Variants in PEX3 observed in about 807,000 individuals in gnomAD.
PEX3 encodes the protein peroxisomal biogenesis factor 3.
PEX3 carries 30 observed loss-of-function variants against 55.8 expected under a neutral mutation model. The observed-to-expected ratio is 0.54, with a 90% CI of 0.40 to 0.73. PEX3 has a LOEUF of 0.73. Among genes scored for constraint, PEX3 ranks in the 30% least tolerant of loss-of-function variants. PEX3 has a pLI of 0.00. For missense variants in PEX3, 351 were observed against 432.8 expected (o/e 0.81, Z 1.68); for synonymous variants, 135 against 148.4 (o/e 0.91, Z 0.66).
Position 143,464,358 on chromosome 6 carries a change from G to A in PEX3, c.287+1361G>A, listed in dbSNP as rs892713930. Among the ~76,000 whole-genome samples, 5 of 151,966 alleles carry A rather than the reference G, an allele frequency of 3.3e-5. No individual in the cohort carries two copies. Among genetic ancestry groups the A allele is most frequent in the African/African-American group, 1.2e-4 (5 of 41,414 alleles). ...AAGGCCCTATGTTCCATGTGCTTTA[G>A]GGGATTTAATAGTTAAGATCAAGTC... On this transcript the variant is annotated intron_variant, in intron 3 of 11. Coordinates refer to ENST00000367591, the MANE Select transcript of PEX3 (RefSeq NM_003630.3). This position sits in a 1 kb window ranked among gnomAD's most constrained non-coding sequence, Gnocchi z 5.8.
rs1183176663 is a variant in PEX3, at chr6:143,482,541, T to G, written c.942-2611T>G. Among the ~76,000 whole-genome samples the G allele has an allele frequency of 6.6e-6, 1 of 151,866 alleles. No individual in the cohort carries two copies. Among genetic ancestry groups the G allele is most frequent in the East Asian group, 1.9e-4 (1 of 5,194 alleles). On this transcript the variant is annotated intron_variant, in intron 10 of 11. Transcript: ENST00000367591. This position sits in a 1 kb window ranked among gnomAD's most constrained non-coding sequence, Gnocchi z 5.5. Reference sequence around the variant, plus strand: ...ACCTGACAAATGATAATAAAGGTAATATGGAGGAATAATGGAATGAGAATG... The same window carrying G: ...ACCTGACAAATGATAATAAAGGTAAGATGGAGGAATAATGGAATGAGAATG...
rs1779890049 is a variant in PEX3 at position 143,459,446 on chromosome 6, A to G, written c.205+230A>G. 6.6e-6 allele frequency among the ~76,000 whole-genome samples: 1 copy of G among 152,226 alleles called. No homozygotes were observed. The highest frequency in any genetic ancestry group is 1.5e-5 in the Non-Finnish European group (1 of 68,044). On this transcript the variant is annotated intron_variant, in intron 2 of 11. Coordinates refer to ENST00000367591, the MANE Select transcript of PEX3 (RefSeq NM_003630.3). The surrounding 1 kb of genome is among the most constrained non-coding windows in gnomAD (Gnocchi z 4.2). The stretch of plus-strand genomic sequence containing the variant: ...TGTATCCAGGCCTGGGGAAGCAGGA[A>G]GTGAACAACAACAACAAAAAGCCCC...
chr6:143,468,865 A>T (rs937380463), intron 4 of PEX3, among the ~76,000 whole-genome samples: 2 of 117,952 alleles, frequency 1.7e-5, no homozygotes, highest in African/African-American at 3.4e-5. Flanking sequence ...GATGTTCCCC[A>T]CCCTGTGTTC....
chr6:143,458,734 A>T lies in PEX3; in HGVS notation c.74-351A>T, dbSNP rs1439040114. 2.6e-5 allele frequency among the ~76,000 whole-genome samples: 4 copies of T among 152,220 alleles called. No homozygotes were observed. On this transcript the variant is annotated intron_variant, in intron 1 of 11. Transcript: ENST00000367591. The surrounding 1 kb of genome is among the most constrained non-coding windows in gnomAD (Gnocchi z 6.1). ...TAGCAATGTGGTTTTTAATAACTAC[A>T]TAAGATTTCGTTGTATGGCTAGACT... is the stretch of plus-strand genomic sequence containing the variant.
intron 4 of PEX3, among the ~76,000 whole-genome samples, chr6:143,469,455 T>C (rs2128746505): frequency 6.6e-6 from 1 of 152,386 alleles, no homozygotes; most frequent in East Asian, 1.9e-4. Flanking sequence ...CATGTGTCTG[T>C]TGGCTGCATA....
At chr6:143,477,941 G>T (rs1780176425) in intron 9 of PEX3, among the ~76,000 whole-genome samples, 1 of 151,894 alleles carries the variant, frequency 6.6e-6, no homozygotes, top group Admixed American at 6.6e-5. Flanking sequence ...CTACCAAAAA[G>T]AATGAAAACA....
At chr6:143,461,614 T>C (rs1164788778) in intron 2 of PEX3, among the ~76,000 whole-genome samples, 1 of 151,532 alleles carries the variant, frequency 6.6e-6, no homozygotes, top group East Asian at 1.9e-4. Flanking sequence ...GGGGTAAATA[T>C]AAGTAGTTTT....
At chr6:143,477,731 C>A (rs1780173670) in intron 9 of PEX3, among the ~76,000 whole-genome samples, 1 of 152,080 alleles carries the variant, frequency 6.6e-6, no homozygotes, top group Non-Finnish European at 1.5e-5. Context: ...CTGTTCTATA[C>A]TGCTTTATCT....
chr6:143,464,887 T>C lies in PEX3; in HGVS notation c.287+1890T>C, dbSNP rs1779972463. On this transcript the variant is annotated intron_variant, in intron 3 of 11. Coordinates refer to ENST00000367591, the MANE Select transcript of PEX3 (RefSeq NM_003630.3). The surrounding 1 kb of genome is among the most constrained non-coding windows in gnomAD (Gnocchi z 5.8). ...AGTTTTTTTTTCTTTAAACTATTTG[T>C]GATAATAACTAAGATAATAACTAAT... Among the ~76,000 whole-genome samples, 1 of 151,806 alleles carries C rather than the reference T, an allele frequency of 6.6e-6. No individual in the cohort carries two copies. Among genetic ancestry groups the C allele is most frequent in the African/African-American group, 2.4e-5 (1 of 41,394 alleles).
At chr6:143,456,484 G>A (rs1282817115) in intron 1 of PEX3, among the ~76,000 whole-genome samples, 1 of 152,142 alleles carries the variant, frequency 6.6e-6, no homozygotes, top group Non-Finnish European at 1.5e-5. Context: ...CAAAATGGGC[G>A]GCTTAAGCAG....
chr6:143,477,337 C>T (rs1258145819), intron 9 of PEX3, among the ~76,000 whole-genome samples: 3 of 152,150 alleles, frequency 2.0e-5, no homozygotes, highest in Non-Finnish European at 4.4e-5. Flanking sequence ...CTGTTTAGCT[C>T]ACCAATGTAT....
rs1441085207 is a variant in PEX3, at chr6:143,453,506, G to GT, written c.73+2398dup. Among the ~76,000 whole-genome samples, 1 of 151,878 alleles carries GT rather than the reference G, an allele frequency of 6.6e-6. No individual in the cohort carries two copies. The highest frequency in any genetic ancestry group is 2.1e-4 in the South Asian group (1 of 4,808). Reference sequence around the variant, plus strand: ...GTGTGTTCGGGTTTTGTGTTTTTTTGTTTTTTTGTTTTTCAGACAGGATCT... The same window carrying GT: ...GTGTGTTCGGGTTTTGTGTTTTTTTGTTTTTTTTGTTTTTCAGACAGGATCT... On this transcript the variant is annotated intron_variant, in intron 1 of 11. Coordinates refer to ENST00000367591, the MANE Select transcript of PEX3 (RefSeq NM_003630.3). The surrounding 1 kb of genome is among the most constrained non-coding windows in gnomAD (Gnocchi z 4.6).
In PEX3 at chr6:143,459,055, A is replaced by T. The variant is rs776672593; in HGVS notation, c.74-30A>T. 1 of 1,478,034 alleles carries T rather than the reference A, an allele frequency of 6.8e-7. No homozygotes were observed. The highest frequency in any genetic ancestry group is 9.5e-7 in the Non-Finnish European group (1 of 1,057,392). The allele number at this position is 1,478,034 out of a possible 1,614,324, so 91.6% of individuals were successfully genotyped here. A position where few individuals can be genotyped will look rare whatever the true frequency, so the allele number is the denominator to read the frequency against. Reference sequence around the variant, plus strand: ...ACTGTGTAGAATTTTTGGTACTCTAATGAATATAGTACTTTTTTAATGATT... The same window carrying T: ...ACTGTGTAGAATTTTTGGTACTCTATTGAATATAGTACTTTTTTAATGATT... On this transcript the variant is annotated intron_variant, in intron 1 of 11. Transcript: ENST00000367591. This position sits in a 1 kb window ranked among gnomAD's most constrained non-coding sequence, Gnocchi z 4.2.
rs1035162373 is a variant in PEX3 at position 143,487,337 on chromosome 6, CTTTTGTAAG to C, written c.1039-1801_1039-1793del. On this transcript the variant is annotated intron_variant, in intron 11 of 11. Coordinates refer to ENST00000367591, the MANE Select transcript of PEX3 (RefSeq NM_003630.3). This position sits in a 1 kb window ranked among gnomAD's most constrained non-coding sequence, Gnocchi z 5.3. ...TGAGCCAAATCCAGCCAAGCACCAG[CTTTTGTAAG>C]TTTTATTGGGTGACAGCATGCCCAT... Among the ~76,000 whole-genome samples the C allele has an allele frequency of 6.6e-6, 1 of 152,108 alleles. No homozygotes were observed. Among genetic ancestry groups the C allele is most frequent in the African/African-American group, 2.4e-5 (1 of 41,424 alleles).
chr6:143,477,293 T>G (rs545597781), intron 9 of PEX3, among the ~76,000 whole-genome samples: 4 of 152,266 alleles, frequency 2.6e-5, no homozygotes, highest in African/African-American at 9.6e-5. Flanking sequence ...ATATACACCT[T>G]TCTACTAAAC....
At chr6:143,470,718 T>A (rs969895143) in intron 4 of PEX3, among the ~76,000 whole-genome samples, 1 of 152,262 alleles carries the variant, frequency 6.6e-6, no homozygotes, top group African/African-American at 2.4e-5. Flanking sequence ...AAGCTAATAG[T>A]ATATACCTCT....
chr6:143,450,819 G>A lies in PEX3; in HGVS notation c.-224G>A. The A allele has an allele frequency of 2.5e-6, 2 of 802,154 alleles. No individual in the cohort carries two copies. Among genetic ancestry groups the A allele is most frequent in the South Asian group, 3.2e-5 (2 of 63,446 alleles). The allele number at this position is 802,154 out of a possible 1,614,324, so 49.7% of individuals were successfully genotyped here. A position where few individuals can be genotyped will look rare whatever the true frequency, so the allele number is the denominator to read the frequency against. ...CTTGTCGGACCAGTGAGCGGCGGCG[G>A]CTGCGCGGCGGCAGCGGCAGAAAGC... On this transcript the variant is annotated 5_prime_UTR_variant, in exon 1 of 12. Transcript: ENST00000367591.
At position 143,462,997 on chromosome 6, in the gene PEX3, G is replaced by C; in HGVS notation, c.287G>C (p.Arg96Thr). The C allele has an allele frequency of 6.2e-7, 1 of 1,608,828 alleles. No individual in the cohort carries two copies. Among genetic ancestry groups the C allele is most frequent in the East Asian group, 2.2e-5 (1 of 44,848 alleles). The change falls in exon 3 of 12, where the codon AGG becomes ACG. Residue 96 changes from arginine (R) to threonine (T), a missense_variant and splice_region_variant. Arg to Thr is a moderately conservative substitution (Grantham distance 71). Transcript: ENST00000367591. The surrounding 1 kb of genome is among the most constrained non-coding windows in gnomAD (Gnocchi z 4.1). ...AGCCTCACAGCTCTGCTAAAAAACAGGTAAATGCAAGTTACAGCATTTTCT... is the reference window on the plus strand; with the variant it reads ...AGCCTCACAGCTCTGCTAAAAAACACGTAAATGCAAGTTACAGCATTTTCT... ...SESLTALLKN[R>T]PSNKLEIWED... is the part of the protein sequence containing the mutation.
rs975991697 is a variant in PEX3 at position 143,453,608 on chromosome 6, A to G, written c.73+2493A>G. ...CCTTGTTTTCTCCTTTGCTAGCTTTACAATGTAAGGCAAGTAGAAAGGCTT... is the reference window on the plus strand; with the variant it reads ...CCTTGTTTTCTCCTTTGCTAGCTTTGCAATGTAAGGCAAGTAGAAAGGCTT... On this transcript the variant is annotated intron_variant, in intron 1 of 11. Coordinates refer to ENST00000367591, the MANE Select transcript of PEX3 (RefSeq NM_003630.3). This position sits in a 1 kb window ranked among gnomAD's most constrained non-coding sequence, Gnocchi z 4.6. Among the ~76,000 whole-genome samples the G allele has an allele frequency of 6.6e-6, 1 of 152,110 alleles. No individual in the cohort carries two copies. The highest frequency in any genetic ancestry group is 1.5e-5 in the Non-Finnish European group (1 of 68,030).
Sources: gnomAD v4.1 joint callset for allele counts (sites outside exome capture counted in the v4.1 genomes callset) on GRCh38, gnomAD v4.1.1 for gene constraint, Gnocchi (gnomAD v3.1) non-coding constraint, MANE v1.5 for transcripts, NCBI Gene and HGNC (gene_info 2026-07-23, HGNC 2026-07-21) for gene names.